The following USP47 variants were observed in gnomAD, a reference collection of about 807,000 sequenced individuals.
The protein encoded by USP47 is ubiquitin carboxyl-terminal hydrolase 47.
In USP47, 35 loss-of-function variants were observed where a neutral mutation model predicts 165.1. That is an observed-to-expected ratio of 0.21 (90% CI 0.16 to 0.28). The LOEUF (loss-of-function observed/expected upper bound fraction) is 0.28. USP47 is among the 10% of genes least tolerant of loss of function. The pLI, the probability that USP47 is intolerant of heterozygous loss-of-function variation, is 1.00. For missense variants in USP47, 1,277 were observed against 1,607.4 expected (o/e 0.79, Z 3.52); for synonymous variants, 531 against 544.5 (o/e 0.98, Z 0.35).
At chr11:11,908,483 G>A (rs1231245798) in intron 8 of USP47, among the ~76,000 whole-genome samples, 1 of 151,706 alleles carries the variant, frequency 6.6e-6, no homozygotes, top group East Asian at 1.9e-4. Flanking sequence ...TCCAATTTCT[G>A]GAGTTGTTTT....
chr11:11,913,513 AAGAC>A (rs1305734880), intron 8 of USP47, among the ~76,000 whole-genome samples: 1 of 151,942 alleles, frequency 6.6e-6, no homozygotes, highest in Non-Finnish European at 1.5e-5. Context: ...TAGGACCAGA[AAGAC>A]AGATATTACA....
At chr11:11,918,974 A>G (rs10765906) in intron 8 of USP47, among the ~76,000 whole-genome samples, 1 of 151,260 alleles carries the variant, frequency 6.6e-6, no homozygotes, top group African/African-American at 2.4e-5. Flanking sequence ...GGGAAAAAAA[A>G]TTTTTTTCTA....
chr11:11,869,565 C>G (rs1849899675), intron 1 of USP47, among the ~76,000 whole-genome samples: 1 of 152,024 alleles, frequency 6.6e-6, no homozygotes, highest in Non-Finnish European at 1.5e-5. Flanking sequence ...TTTCAATATC[C>G]TTTTAGTTAT....
chr11:11,920,702 A>G (rs890252896), intron 10 of USP47, among the ~76,000 whole-genome samples: 9 of 151,876 alleles, frequency 5.9e-5, no homozygotes, highest in Non-Finnish European at 1.0e-4. Flanking sequence ...TATTTTAAAT[A>G]TTCTTGTTTG....
chr11:11,907,736 ACT>A (rs1262538323), intron 8 of USP47, among the ~76,000 whole-genome samples: 2 of 151,880 alleles, frequency 1.3e-5, no homozygotes, highest in African/African-American at 2.4e-5. Context: ...TTTTAACTGG[ACT>A]CTCTTAAAAT....
intron 1 of USP47, among the ~76,000 whole-genome samples, chr11:11,869,598 A>G (rs1300618733): frequency 1.3e-5 from 2 of 152,090 alleles, no homozygotes; most frequent in South Asian, 4.1e-4. Context: ...GCCTTTCCCT[A>G]TAAATTTCAG....
At chr11:11,846,427 G>A (rs1848429609) in intron 1 of USP47, among the ~76,000 whole-genome samples, 1 of 152,036 alleles carries the variant, frequency 6.6e-6, no homozygotes, top group Non-Finnish European at 1.5e-5. Flanking sequence ...TACTTAAACT[G>A]CAGTACTTAA....
At chr11:11,944,605 G>T (rs1044156027) in intron 20 of USP47, among the ~76,000 whole-genome samples, 4 of 152,060 alleles carry the variant, frequency 2.6e-5, no homozygotes, top group African/African-American at 9.7e-5. Flanking sequence ...CACTGATGAC[G>T]AAACTGGTCA....
At chr11:11,935,908 T>C (rs1201060850) in intron 16 of USP47, among the ~76,000 whole-genome samples, 1 of 151,954 alleles carries the variant, frequency 6.6e-6, no homozygotes, top group Non-Finnish European at 1.5e-5. Context: ...CTACTCCAGA[T>C]TGGATTAAGA....
chr11:11,902,668 T>C, intron 5 of USP47, 47 bp from the exon 6 acceptor site: 1 of 1,276,318 alleles, frequency 7.8e-7, no homozygotes, highest in East Asian at 2.8e-5. Context: ...TGCTTTTAAA[T>C]AATAAAATCA....
chr11:11,948,581 A>G, intron 22 of USP47, 23 bp downstream of exon 22: 1 of 1,526,342 alleles, frequency 6.6e-7, no homozygotes, highest in Non-Finnish European at 9.1e-7. Flanking sequence ...TTTAAGAATA[A>G]TATAAGGTTA....
chr11:11,930,810 A>C, intron 14 of USP47, 59 bp downstream of exon 14: 1 of 1,428,144 alleles, frequency 7.0e-7, no homozygotes, highest in Non-Finnish European at 9.6e-7. Context: ...TTCTTTTGTA[A>C]GTTTGCAAAC....
Position 11,925,399 on chromosome 11 carries a change from G to T in USP47, c.1386+2508G>T, listed in dbSNP as rs4757270. Among the ~76,000 whole-genome samples, 570 of 152,088 alleles carry T rather than the reference G, an allele frequency of 3.7e-3. 4 individuals are homozygous for T. Among genetic ancestry groups the T allele is most frequent in the African/African-American group, 0.013 (523 of 41,512 alleles). On this transcript the variant is annotated intron_variant, in intron 11 of 27. Transcript: ENST00000527733. Reference sequence around the variant, plus strand: ...ATTACAGGCGTGAGCCACCGCACCCGGCCTCCTTAATGTTTTATGGTTTTT... The same window carrying T: ...ATTACAGGCGTGAGCCACCGCACCCTGCCTCCTTAATGTTTTATGGTTTTT...
intron 17 of USP47, among the ~76,000 whole-genome samples, chr11:11,937,870 A>C (rs927252129): frequency 2.0e-5 from 3 of 152,018 alleles, no homozygotes; most frequent in Non-Finnish European, 4.4e-5. Context: ...TTAAGAGTTT[A>C]ATTGTAAACA....
At chr11:11,889,518 T>G (rs1342296426) in intron 3 of USP47, among the ~76,000 whole-genome samples, 9 of 152,090 alleles carry the variant, frequency 5.9e-5, no homozygotes, top group Admixed American at 1.3e-4. Context: ...GAAGGACACC[T>G]TCAAGGAGAA....
chr11:11,904,896 T>G lies in USP47; in HGVS notation c.820-503T>G, dbSNP rs72856398. ...AAGCTAAAAAGTTTGATTTGCATCTTGAGCTAGAGGATATGATTTATACAT... is the reference window on the plus strand; with the variant it reads ...AAGCTAAAAAGTTTGATTTGCATCTGGAGCTAGAGGATATGATTTATACAT... On this transcript the variant is annotated intron_variant, in intron 7 of 27. Coordinates refer to ENST00000527733, the MANE Select transcript of USP47 (RefSeq NM_001282659.2). 8.2e-3 allele frequency among the ~76,000 whole-genome samples: 1,242 copies of G among 152,272 alleles called. 8 individuals are homozygous for G. Among genetic ancestry groups the G allele is most frequent in the Middle Eastern group, 0.017 (5 of 290 alleles).
intron 1 of USP47, among the ~76,000 whole-genome samples, chr11:11,845,615 C>A (rs4255536): frequency 6.6e-6 from 1 of 152,008 alleles, no homozygotes; most frequent in African/African-American, 2.4e-5. Flanking sequence ...AGGTTTTGTA[C>A]TATAGGTTTA....
chr11:11,908,624 G>T (rs1294017985), intron 8 of USP47, among the ~76,000 whole-genome samples: 1 of 151,750 alleles, frequency 6.6e-6, no homozygotes, highest in Admixed American at 6.6e-5. Flanking sequence ...ATGATAACAG[G>T]TTATTTTTAT....
At chr11:11,882,960 G>A (rs983529487) in intron 2 of USP47, among the ~76,000 whole-genome samples, 6 of 152,034 alleles carry the variant, frequency 3.9e-5, no homozygotes, top group Non-Finnish European at 7.4e-5. Flanking sequence ...CTCTATTTCT[G>A]TATTTTTATT....
Sources: gnomAD v4.1 joint callset for allele counts (sites outside exome capture counted in the v4.1 genomes callset) on GRCh38, gnomAD v4.1.1 for gene constraint, MANE v1.5 for transcripts, NCBI Gene and HGNC (gene_info 2026-07-23, HGNC 2026-07-21) for gene names.